Variants in TMEM30A observed in about 807,000 individuals in gnomAD.
TMEM30A encodes cell division cycle 50 P4-ATPase accessory subunit A.
TMEM30A carries 24 observed loss-of-function variants against 38.2 expected under a neutral mutation model. The observed-to-expected ratio is 0.63, with a 90% confidence interval of 0.46 to 0.88. The LOEUF (loss-of-function observed/expected upper bound fraction) is 0.88, where lower values mean the gene tolerates loss of function less well. Ranked by LOEUF, TMEM30A falls within the 40% of genes least tolerant of loss-of-function variation. The pLI, the probability that TMEM30A is intolerant of heterozygous loss-of-function variation, is 0.00. For synonymous variants in TMEM30A, 145 were observed against 161.6 expected, an observed-to-expected ratio of 0.90 and a Z score of 0.78; for missense variants, 370 against 458.6, an observed-to-expected ratio of 0.81 and a Z score of 1.77.
intron 1 of TMEM30A, among the ~76,000 whole-genome samples, chr6:75,277,588 G>A (rs1772283868): frequency 6.6e-6 from 1 of 151,908 alleles, no homozygotes; most frequent in Admixed American, 6.6e-5. Flanking sequence ...CTGGGCAACG[G>A]CAAGGCCCCA....
intron 5 of TMEM30A, 102 bp downstream of exon 5, chr6:75,259,245 T>C (rs1471567911): frequency 1.5e-6 from 2 of 1,299,760 alleles, no homozygotes; most frequent in Non-Finnish European, 2.1e-6. Flanking sequence ...AGAAAAATTG[T>C]GTTTTTCAAA....
At chr6:75,283,339 AAACAG>A (rs769512421) in intron 1 of TMEM30A, among the ~76,000 whole-genome samples, 5 of 151,722 alleles carry the variant, frequency 3.3e-5, no homozygotes, top group African/African-American at 4.9e-5. Context: ...GTGTGTGTAT[AAACAG>A]AACAGAAGGA....
At chr6:75,267,293 G>GT (rs1178668400) in intron 2 of TMEM30A, among the ~76,000 whole-genome samples, 5 of 152,060 alleles carry the variant, frequency 3.3e-5, no homozygotes, top group African/African-American at 9.7e-5. Flanking sequence ...CTTTAGTATC[G>GT]TAAGTATGCA....
rs749683932 is a variant in TMEM30A, at chr6:75,284,617, T to C, written c.22A>G (p.Lys8Glu). 2 of 1,613,538 alleles carry C rather than the reference T, an allele frequency of 1.2e-6. No homozygotes were observed. Among genetic ancestry groups the C allele is most frequent in the East Asian group, 2.2e-5 (1 of 44,864 alleles). Reference protein sequence around the residue: MAMNYNAKDEVDGGPPCA... With the variant: MAMNYNAEDEVDGGPPCA... The stretch of plus-strand genomic sequence containing the variant: ...GGGGGCCCACCGTCCACTTCATCCT[T>C]CGCGTTATAGTTCATCGCCATCGAT... Residue 8 changes from lysine (K) to glutamate (E), a missense_variant, in exon 1 of 7, where the codon AAG (lysine) becomes GAG (glutamate). Transcript: ENST00000230461.
At chr6:75,259,007 G>C (rs755317525) in intron 5 of TMEM30A, 21 bp from the exon 6 acceptor site, 4 of 1,590,484 alleles carry the variant, frequency 2.5e-6, no homozygotes, top group Non-Finnish European at 3.4e-6. Flanking sequence ...GTGGGGAGGG[G>C]ATAAGGAGAC....
chr6:75,265,240 A>T lies in TMEM30A; in HGVS notation c.444T>A (p.Ser148Arg), dbSNP rs771123230. Reference protein sequence around the residue: ...RDDSQLNGDSSALLNPSKECE... With the variant: ...RDDSQLNGDSRALLNPSKECE... ...TTATCATTTTACTTACAAGCAAAGC[A>T]CTAGAATCTCCATTTAGTTGACTAT... Residue 148 changes from serine (S) to arginine (R), a missense_variant, in exon 3 of 7, where the codon AGT becomes AGA. Physicochemically the swap from Ser to Arg is moderately radical, Grantham distance 110 (BLOSUM62 -1). Transcript: ENST00000230461. 1 of 1,594,542 alleles carries T rather than the reference A, an allele frequency of 6.3e-7. No individual in the cohort carries two copies. Among genetic ancestry groups the T allele is most frequent in the East Asian group, 2.2e-5 (1 of 44,612 alleles).
intron 1 of TMEM30A, among the ~76,000 whole-genome samples, chr6:75,280,244 A>G (rs1772334889): frequency 6.6e-6 from 1 of 152,216 alleles, no homozygotes; most frequent in South Asian, 2.1e-4. Context: ...CATGTAAATT[A>G]AACACAGCTA....
intron 1 of TMEM30A, among the ~76,000 whole-genome samples, chr6:75,278,623 G>A (rs146403094): frequency 6.6e-6 from 1 of 152,102 alleles, no homozygotes; most frequent in Non-Finnish European, 1.5e-5. Flanking sequence ...CAGTAAAACA[G>A]AACCTCCATG....
chr6:75,271,748 C>T (rs1251469617), intron 1 of TMEM30A, among the ~76,000 whole-genome samples: 2 of 152,220 alleles, frequency 1.3e-5, no homozygotes, highest in Non-Finnish European at 2.9e-5. Context: ...CTCCAAGCCT[C>T]ATGTTTCTTC....
At chr6:75,257,435 G>A (rs973038924) in intron 6 of TMEM30A, among the ~76,000 whole-genome samples, 1 of 152,188 alleles carries the variant, frequency 6.6e-6, no homozygotes, top group East Asian at 1.9e-4. Context: ...TTCCTGTATG[G>A]AAATCATCTA....
Position 75,267,694 on chromosome 6 carries a change from C to A in TMEM30A, c.292G>T (p.Asp98Tyr), listed in dbSNP as rs756014300. 30 of 1,611,514 alleles carry A rather than the reference C, an allele frequency of 1.9e-5. No individual in the cohort carries two copies. The highest frequency in any genetic ancestry group is 2.3e-5 in the Non-Finnish European group (27 of 1,178,904). Residue 98 changes from aspartate to tyrosine, a missense_variant, in exon 2 of 7, where the codon GAT (aspartate) becomes TAT (tyrosine). Transcript: ENST00000230461. The part of the protein sequence containing the change: ...SSPCNKCLSP[D>Y]VTPCFCTINF... ...ATGGTACAAAAGCAAGGTGTCACAT[C>A]CGGAGATAAACATTTATTACAGGGA...
intron 1 of TMEM30A, among the ~76,000 whole-genome samples, chr6:75,281,848 A>G (rs1276342350): frequency 6.6e-6 from 1 of 152,194 alleles, no homozygotes; most frequent in Non-Finnish European, 1.5e-5. Flanking sequence ...ATTTACAACT[A>G]GTGGGTAACA....
At chr6:75,264,783 A>G (rs1448634017) in intron 3 of TMEM30A, among the ~76,000 whole-genome samples, 1 of 152,126 alleles carries the variant, frequency 6.6e-6, no homozygotes, top group Non-Finnish European at 1.5e-5. Context: ...TGTGAATTCC[A>G]GGAAAAAATA....
At position 75,256,632 on chromosome 6, in the gene TMEM30A, A is replaced by G. The variant is rs1401531525; in HGVS notation, c.893-337T>C. 12 of 361,710 alleles carry G rather than the reference A, an allele frequency of 3.3e-5. No homozygotes were observed. The East Asian group carries it at 9.1e-4, about 28-fold the overall frequency. The allele number at this position is 361,710 out of a possible 1,614,324, so 22.4% of individuals were successfully genotyped here. A position where few individuals can be genotyped will look rare whatever the true frequency, so the allele number is the denominator to read the frequency against. Reference sequence around the variant, plus strand: ...TGTGAAAAAAATACTTCAAGTGAACAATGAAGCCCACACAAGGAGACTGAC... The same window carrying G: ...TGTGAAAAAAATACTTCAAGTGAACGATGAAGCCCACACAAGGAGACTGAC... On this transcript the variant is annotated intron_variant, in intron 6 of 6. Coordinates refer to ENST00000230461, the MANE Select transcript of TMEM30A (RefSeq NM_018247.4).
chr6:75,273,108 G>C (rs1473632631), intron 1 of TMEM30A, among the ~76,000 whole-genome samples: 1 of 152,120 alleles, frequency 6.6e-6, no homozygotes, highest in Non-Finnish European at 1.5e-5. Context: ...CTCTCTGTAC[G>C]TCCCATCCAT....
intron 1 of TMEM30A, among the ~76,000 whole-genome samples, chr6:75,269,696 T>C (rs973790447): frequency 6.6e-6 from 1 of 152,104 alleles, no homozygotes; most frequent in Non-Finnish European, 1.5e-5. Flanking sequence ...AGAGTATGTT[T>C]GCTTTTTCTT....
Position 75,258,718 on chromosome 6 carries a change from T to A in TMEM30A, c.892+62A>T, listed in dbSNP as rs73747454. On this transcript the variant is annotated intron_variant, in intron 6 of 6. Transcript: ENST00000230461. ...AAGGTAACATGCCACATAACAGATA[T>A]AAGGTTGGACTCGACTCCTTTCAAG... 1.6e-3 allele frequency: 2,261 copies of A among 1,444,660 alleles called. 22 individuals carry two copies. The African/African-American group carries it at 0.029, about 18-fold the overall frequency. 89.5% of individuals were successfully genotyped at this position (1,444,660 alleles called of 1,614,324 possible).
intron 1 of TMEM30A, among the ~76,000 whole-genome samples, chr6:75,283,983 TG>T (rs1772409851): frequency 6.6e-6 from 1 of 152,190 alleles, no homozygotes; most frequent in African/African-American, 2.4e-5. Flanking sequence ...AATGGCACTT[TG>T]ACCCTGTCAA....
At chr6:75,271,890 A>G (rs1391828752) in intron 1 of TMEM30A, among the ~76,000 whole-genome samples, 2 of 152,238 alleles carry the variant, frequency 1.3e-5, no homozygotes, top group Admixed American at 6.5e-5. Context: ...GCATAGAGGA[A>G]TAATAGATGG....
Sources: allele counts gnomAD v4.1 joint callset (sites outside exome capture counted in the v4.1 genomes callset), GRCh38; gene constraint gnomAD v4.1.1; transcripts MANE v1.5; gene names NCBI Gene and HGNC (gene_info 2026-07-23, HGNC 2026-07-21).